The following C4orf54 variants were observed in gnomAD, a reference collection of about 807,000 sequenced individuals.
The protein encoded by C4orf54 is uncharacterized protein C4orf54.
C4orf54 carries 67 observed loss-of-function variants against 80.1 expected under a neutral mutation model. That is an observed-to-expected ratio of 0.84 (90% CI 0.69 to 1.03). The LOEUF is 1.03. Among genes scored for constraint, C4orf54 ranks in the 50% least tolerant of loss-of-function variants. C4orf54 has a pLI of 0.00. For missense variants in C4orf54, 2,434 were observed against 2,253.5 expected (o/e 1.08, Z -1.62); for synonymous variants, 1,000 against 917.0 (o/e 1.09, Z -1.64).
Position 99,652,038 on chromosome 4 carries a change from C to T in C4orf54, c.2611G>A (p.Glu871Lys). Residue 871 changes from glutamate to lysine, a missense_variant, in exon 2 of 3, where the codon GAG becomes AAG. Coordinates refer to ENST00000511828, the MANE Select transcript of C4orf54 (RefSeq NM_001354435.2). The part of the protein sequence containing the change: ...GLQRQSSRHS[E>K]AGSEYTVVSM... ...ACCACTGTGTACTCGGAGCCGGCCT[C>T]GGAGTGACGAGAGCTCTGCCTCTGC... 3 of 1,536,150 alleles carry T rather than the reference C, an allele frequency of 2.0e-6. No homozygotes were observed. The highest frequency in any genetic ancestry group is 2.6e-6 in the Non-Finnish European group (3 of 1,146,900).
At chr4:99,655,742 A>G (rs537132951) in intron 1 of C4orf54, among the ~76,000 whole-genome samples, 2 of 152,216 alleles carry the variant, frequency 1.3e-5, no homozygotes, top group Admixed American at 6.5e-5. Flanking sequence ...GTGGAGAACC[A>G]TGATGCTTGA....
intron 1 of C4orf54, among the ~76,000 whole-genome samples, 64 bp downstream of exon 1, chr4:99,657,431 C>A (rs2110259469): frequency 6.6e-6 from 1 of 152,332 alleles, no homozygotes; most frequent in Non-Finnish European, 1.5e-5. Flanking sequence ...CTCCACAGAG[C>A]ACAGCCCTAG....
Position 99,643,741 on chromosome 4 carries a change from C to CACACAT in C4orf54, c.*37-2546_*37-2545insATGTGT. 7.9e-5 allele frequency among the ~76,000 whole-genome samples: 3 copies of CACACAT among 38,102 alleles called. No homozygotes were observed. The South Asian group carries it at 4.0e-3, about 50-fold the overall frequency. The allele number at this position is 38,102 out of a possible 152,430, so 25.0% of individuals were successfully genotyped here. A position where few individuals can be genotyped will look rare whatever the true frequency, so the allele number is the denominator to read the frequency against. Reference sequence around the variant, plus strand: ...CCCTGCCCTTTCCCCCAAGCCACAACACACACACACACACACACACACACA... The same window carrying CACACAT: ...CCCTGCCCTTTCCCCCAAGCCACAACACACATACACACACACACACACACACACACA... On this transcript the variant is annotated intron_variant, in intron 2 of 2. Transcript: ENST00000511828.
chr4:99,656,146 TGAAGAGAGTAAAA>T (rs11274155), intron 1 of C4orf54, among the ~76,000 whole-genome samples: 2,231 of 151,206 alleles, frequency 0.015, 56 homozygotes, highest in African/African-American at 0.051. Context: ...GAGATCTAGG[TGAAGAGAGTAAAA>T]GAGGAAAGGA....
chr4:99,647,474 T>G (rs918354363), intron 2 of C4orf54, among the ~76,000 whole-genome samples: 1 of 150,662 alleles, frequency 6.6e-6, no homozygotes, highest in African/African-American at 2.5e-5. Flanking sequence ...GAATTTTTTT[T>G]TAATTTTCTA....
chr4:99,640,506 C>A lies in C4orf54; in HGVS notation c.*727G>T, dbSNP rs956436104. On this transcript the variant is annotated 3_prime_UTR_variant, in exon 3 of 3. Transcript: ENST00000511828. ...CTAAGTACTTAATTTTAGATGCAAT[C>A]ATTGGCTTTCCAGTATTTCAAGCCA... 6 of 152,154 alleles carry A rather than the reference C, an allele frequency of 3.9e-5. No homozygotes were observed. Among genetic ancestry groups the A allele is most frequent in the African/African-American group, 1.2e-4 (5 of 41,462 alleles). The allele number at this position is 152,154 out of a possible 1,614,324, so 9.4% of individuals were successfully genotyped here.
chr4:99,656,967 C>T (rs374823106), intron 1 of C4orf54, among the ~76,000 whole-genome samples: 73 of 152,308 alleles, frequency 4.8e-4, no homozygotes, highest in African/African-American at 1.7e-3. Flanking sequence ...TACCATATAA[C>T]TTGTTTGTTT....
rs1301746308 is a variant in C4orf54, at chr4:99,639,785, A to C, written c.*1448T>G. ...TAAATCATACAAAACTCAGTCTCCT[A>C]GTTTTTTACTCACACTTTTTGTCAT... On this transcript the variant is annotated 3_prime_UTR_variant, in exon 3 of 3. Transcript: ENST00000511828. The C allele has an allele frequency of 3.3e-5, 5 of 152,118 alleles. No homozygotes were observed. Among genetic ancestry groups the C allele is most frequent in the Non-Finnish European group, 5.9e-5 (4 of 67,974 alleles). The allele number at this position is 152,118 out of a possible 1,614,324, so 9.4% of individuals were successfully genotyped here.
At position 99,651,662 on chromosome 4, in the gene C4orf54, TGGATGTTGGG is replaced by T; in HGVS notation, c.2977_2986del (p.Pro993SerfsTer26). The T allele has an allele frequency of 6.5e-7, 1 of 1,536,064 alleles. No individual in the cohort carries two copies. The highest frequency in any genetic ancestry group is 8.7e-7 in the Non-Finnish European group (1 of 1,146,884). ...CGGCTGCTTGTCCTTGGGTGTCTGCTGGATGTTGGGGACAAAGAGGCGAGACATGATGGTG... is the reference window on the plus strand; with the variant it reads ...CGGCTGCTTGTCCTTGGGTGTCTGCTGACAAAGAGGCGAGACATGATGGTG... On this transcript the variant is annotated frameshift_variant, in exon 2 of 3. Transcript: ENST00000511828. LOFTEE classifies it high-confidence loss of function.
intron 1 of C4orf54, among the ~76,000 whole-genome samples, chr4:99,656,273 T>A (rs961639122): frequency 1.6e-4 from 24 of 151,700 alleles, no homozygotes; most frequent in African/African-American, 5.6e-4. Flanking sequence ...TGTTTTTTTT[T>A]ATCTTAGTTT....
In C4orf54 at chr4:99,652,350, CA is replaced by C. The variant is rs1726859559; in HGVS notation, c.2298del (p.Gly769AlafsTer193). The C allele has an allele frequency of 6.5e-7, 1 of 1,535,910 alleles. No individual in the cohort carries two copies. ...VRSESKASSA[P>X]GPGRATKGPG... is the part of the protein sequence containing the mutation. ...GGGCCTTTGGTGGCCCTGCCGGGCC[CA>C]GGGGCCGAGCTGGCTTTGCTCTCAC... is the stretch of plus-strand genomic sequence containing the variant. On this transcript the variant is annotated frameshift_variant, in exon 2 of 3. Coordinates refer to ENST00000511828, the MANE Select transcript of C4orf54 (RefSeq NM_001354435.2). LOFTEE classifies it high-confidence loss of function.
chr4:99,652,772 A>T lies in C4orf54; in HGVS notation c.1877T>A (p.Leu626Gln), dbSNP rs751396928. The T allele has an allele frequency of 2.0e-6, 3 of 1,536,126 alleles. No homozygotes were observed. The highest frequency in any genetic ancestry group is 2.4e-5 in the South Asian group (2 of 84,064). Reference protein sequence around the residue: ...LDDADKEVRNLTSRAFRSLAY... With the variant: ...LDDADKEVRNQTSRAFRSLAY... ...CAGGCTCCGGAAGGCCCGGGAGGTCAGGTTACGCACCTCTTTGTCCGCATC... is the reference window on the plus strand; with the variant it reads ...CAGGCTCCGGAAGGCCCGGGAGGTCTGGTTACGCACCTCTTTGTCCGCATC... Residue 626 changes from leucine (L) to glutamine (Q), a missense_variant, in exon 2 of 3, where the codon CTG becomes CAG. Transcript: ENST00000511828.
intron 2 of C4orf54, among the ~76,000 whole-genome samples, chr4:99,644,747 TA>T (rs35275073): frequency 0.52 from 68,354 of 132,408 alleles, 17,815 homozygotes; most frequent in African/African-American, 0.72. Context: ...ATGATAATAA[TA>T]AAAAAAAAAA....
At position 99,654,110 on chromosome 4, in the gene C4orf54, G is replaced by A; in HGVS notation, c.539C>T (p.Pro180Leu). The change falls in exon 2 of 3, where the codon CCA becomes CTA. Residue 180 changes from proline to leucine, a missense_variant. Coordinates refer to ENST00000511828, the MANE Select transcript of C4orf54 (RefSeq NM_001354435.2). ...DSQELKQQLW[P>L]LPKPSASSQR... Reference sequence around the variant, plus strand: ...GGAGGAGGCTGAAGGCTTGGGAAGTGGCCACAGCTGCTGCTTGAGCTCCTG... The same window carrying A: ...GGAGGAGGCTGAAGGCTTGGGAAGTAGCCACAGCTGCTGCTTGAGCTCCTG... The A allele has an allele frequency of 6.5e-7, 1 of 1,536,074 alleles. No homozygotes were observed. The highest frequency in any genetic ancestry group is 8.7e-7 in the Non-Finnish European group (1 of 1,146,860).
chr4:99,652,463 T>A lies in C4orf54; in HGVS notation c.2186A>T (p.Lys729Ile), dbSNP rs897984972. Reference sequence around the variant, plus strand: ...GAAACACAGGGGCGTCTCCACATGTTTGATTTCCCCCTCGACTTTGCTGAC... The same window carrying A: ...GAAACACAGGGGCGTCTCCACATGTATGATTTCCCCCTCGACTTTGCTGAC... ...FVVSKVEGEI[K>I]HVETPLCFQK... The change falls in exon 2 of 3, where the codon AAA (lysine) becomes ATA (isoleucine). Residue 729 changes from lysine to isoleucine, a missense_variant. By Grantham distance (102) the Lys-to-Ile change is moderately radical. Coordinates refer to ENST00000511828, the MANE Select transcript of C4orf54 (RefSeq NM_001354435.2). 1.3e-6 allele frequency: 2 copies of A among 1,535,822 alleles called. No individual in the cohort carries two copies. The highest frequency in any genetic ancestry group is 1.7e-6 in the Non-Finnish European group (2 of 1,146,820).
chr4:99,651,519 T>G lies in C4orf54; in HGVS notation c.3130A>C (p.Asn1044His). The part of the protein sequence containing the change: ...GSVQQPSSDF[N>H]IAKLLTPKLA... ...TTGGGCGTGAGCAACTTGGCAATGT[T>G]GAAGTCTGAGCTCGGCTGCTGCACA... Residue 1044 changes from asparagine (N) to histidine (H), a missense_variant, in exon 2 of 3, where the codon AAC becomes CAC. Transcript: ENST00000511828. The G allele has an allele frequency of 1.3e-6, 2 of 1,536,190 alleles. No homozygotes were observed. The highest frequency in any genetic ancestry group is 8.7e-7 in the Non-Finnish European group (1 of 1,146,902).
At position 99,639,543 on chromosome 4, in the gene C4orf54, A is replaced by G. The variant is rs943514469; in HGVS notation, c.*1690T>C. On this transcript the variant is annotated 3_prime_UTR_variant, in exon 3 of 3. Coordinates refer to ENST00000511828, the MANE Select transcript of C4orf54 (RefSeq NM_001354435.2). Reference sequence around the variant, plus strand: ...ACACAGAGACTATGTTTCATATTTCATGTCTCATAAAGTCTATAGCTTCAT... The same window carrying G: ...ACACAGAGACTATGTTTCATATTTCGTGTCTCATAAAGTCTATAGCTTCAT... 3.9e-5 allele frequency: 6 copies of G among 152,132 alleles called. No individual in the cohort carries two copies. The highest frequency in any genetic ancestry group is 1.4e-4 in the African/African-American group (6 of 41,452). The allele number at this position is 152,132 out of a possible 1,614,324, so 9.4% of individuals were successfully genotyped here. A position where few individuals can be genotyped will look rare whatever the true frequency, so the allele number is the denominator to read the frequency against.
At chr4:99,644,145 G>A (rs941293428) in intron 2 of C4orf54, among the ~76,000 whole-genome samples, 1 of 152,200 alleles carries the variant, frequency 6.6e-6, no homozygotes, top group Non-Finnish European at 1.5e-5. Flanking sequence ...GGAGCTCCAA[G>A]TGCCTGGATT....
At position 99,653,009 on chromosome 4, in the gene C4orf54, T is replaced by C. The variant is rs1726884126; in HGVS notation, c.1640A>G (p.Lys547Arg). Residue 547 changes from lysine to arginine, a missense_variant, in exon 2 of 3, where the codon AAG (lysine) becomes AGG (arginine). By Grantham distance (26) the Lys-to-Arg change is conservative. Transcript: ENST00000511828. Reference sequence around the variant, plus strand: ...GCGGAGGCTCATGTCGCCTTCATGCTTGGCAGCATAAATAATGTTTTGCTT... The same window carrying C: ...GCGGAGGCTCATGTCGCCTTCATGCCTGGCAGCATAAATAATGTTTTGCTT... ...RAKQNIIYAA[K>R]HEGDMSLRVS... 3 of 1,536,194 alleles carry C rather than the reference T, an allele frequency of 2.0e-6. No individual in the cohort carries two copies. The highest frequency in any genetic ancestry group is 2.6e-6 in the Non-Finnish European group (3 of 1,146,898).
Sources: allele counts gnomAD v4.1 joint callset (sites outside exome capture counted in the v4.1 genomes callset), GRCh38; gene constraint gnomAD v4.1.1; transcripts MANE v1.5; gene names NCBI Gene and HGNC (gene_info 2026-07-23, HGNC 2026-07-21).